Variants in IPO11 observed in about 807,000 individuals in gnomAD.
The protein encoded by IPO11 is importin 11.
A neutral mutation model predicts 143.2 loss-of-function variants in IPO11; 66 were observed. The ratio of observed to expected loss-of-function variants is 0.46; its 90% CI spans 0.38 to 0.57. The LOEUF (loss-of-function observed/expected upper bound fraction) is 0.57, where lower values mean the gene tolerates loss of function less well. IPO11 is among the 20% of genes least tolerant of loss of function. The pLI, the probability that IPO11 is intolerant of heterozygous loss-of-function variation, is 0.00. For synonymous variants in IPO11, 385 were observed against 377.8 expected, an observed-to-expected ratio of 1.02 and a Z score of -0.22; for missense variants, 1,026 against 1,141.0, an observed-to-expected ratio of 0.90 and a Z score of 1.45.
intron 27 of IPO11, among the ~76,000 whole-genome samples, chr5:62,570,119 G>A (rs1422522539): frequency 2.0e-5 from 3 of 152,182 alleles, no homozygotes; most frequent in Non-Finnish European, 2.9e-5. Context: ...GCTGGAGGGT[G>A]TAGACGTGTT....
intron 2 of IPO11, among the ~76,000 whole-genome samples, chr5:62,440,397 C>T (rs950500241): frequency 8.8e-5 from 13 of 147,438 alleles, no homozygotes; most frequent in Admixed American, 3.4e-4. Context: ...CTGTGTTGCC[C>T]AGGCTGGAGT....
chr5:62,557,603 C>T (rs529169068), intron 26 of IPO11, among the ~76,000 whole-genome samples: 158 of 152,296 alleles, frequency 1.0e-3, no homozygotes, highest in African/African-American at 3.6e-3. Flanking sequence ...GTTATTCCTC[C>T]ATCTATAGGC....
chr5:62,548,968 G>A (rs1051388903), intron 24 of IPO11, among the ~76,000 whole-genome samples: 59 of 151,894 alleles, frequency 3.9e-4, no homozygotes, highest in African/African-American at 1.4e-3. Context: ...ATGGGCAGGT[G>A]GTCTTACTTT....
At chr5:62,514,403 A>G (rs1353880192) in intron 19 of IPO11, among the ~76,000 whole-genome samples, 1 of 151,970 alleles carries the variant, frequency 6.6e-6, no homozygotes, top group East Asian at 1.9e-4. Flanking sequence ...CAGTCTGGCC[A>G]ACACAGCGAA....
intron 12 of IPO11, among the ~76,000 whole-genome samples, chr5:62,486,688 A>G (rs1183066394): frequency 1.3e-5 from 2 of 152,220 alleles, no homozygotes; most frequent in Non-Finnish European, 2.9e-5. Flanking sequence ...GTTGTTAACC[A>G]GAGAGATTAC....
chr5:62,427,207 T>C (rs1025126780), intron 1 of IPO11, among the ~76,000 whole-genome samples: 3 of 151,970 alleles, frequency 2.0e-5, no homozygotes, highest in Admixed American at 2.0e-4. Flanking sequence ...CCCAAAGTGC[T>C]GGGATTACAC....
chr5:62,624,811 C>T (rs751823270), intron 29 of IPO11, among the ~76,000 whole-genome samples: 5 of 151,918 alleles, frequency 3.3e-5, no homozygotes, highest in South Asian at 2.1e-4. Flanking sequence ...GGTGAAACCC[C>T]GTCTCTACTA....
At position 62,450,913 on chromosome 5, in the gene IPO11, C is replaced by T. The variant is rs192061943; in HGVS notation, c.313-817C>T. On this transcript the variant is annotated intron_variant, in intron 4 of 29. Transcript: ENST00000325324. ...ATTGAGCTATTAAAGCACAATTTGG[C>T]AGTATTTCTAATACAATTTTATTTT... 8.7e-3 allele frequency among the ~76,000 whole-genome samples: 1,324 copies of T among 152,216 alleles called. 74 individuals carry two copies. The highest frequency in any genetic ancestry group is 0.078 in the Admixed American group (1,191 of 15,278).
At chr5:62,459,633 C>G (rs1417354818) in intron 5 of IPO11, among the ~76,000 whole-genome samples, 1 of 151,994 alleles carries the variant, frequency 6.6e-6, no homozygotes, top group East Asian at 1.9e-4. Context: ...TCACTGCAAT[C>G]TCTGCCTCCC....
intron 1 of IPO11, among the ~76,000 whole-genome samples, chr5:62,415,942 A>G (rs957240450): frequency 2.0e-5 from 3 of 152,040 alleles, no homozygotes; most frequent in Non-Finnish European, 4.4e-5. Flanking sequence ...TATTTCCTTC[A>G]TGTGTTTGCT....
intron 16 of IPO11, among the ~76,000 whole-genome samples, chr5:62,495,823 A>G (rs528318975): frequency 2.0e-5 from 3 of 152,208 alleles, no homozygotes; most frequent in Non-Finnish European, 2.9e-5. Context: ...TTAAAAAAGG[A>G]AAGAGAAAAA....
intron 27 of IPO11, among the ~76,000 whole-genome samples, chr5:62,583,608 T>C (rs1314094254): frequency 1.3e-5 from 2 of 152,178 alleles, no homozygotes; most frequent in African/African-American, 4.8e-5. Context: ...TTAAAAAATT[T>C]TTCTTTTTTT....
intron 27 of IPO11, among the ~76,000 whole-genome samples, chr5:62,566,562 A>G (rs1219082677): frequency 6.6e-6 from 1 of 151,916 alleles, no homozygotes. Flanking sequence ...GCAAAACCCC[A>G]TCTCTACTAA....
intron 1 of IPO11, among the ~76,000 whole-genome samples, chr5:62,433,523 T>TA (rs1744067229): frequency 6.6e-6 from 1 of 152,212 alleles, no homozygotes; most frequent in Admixed American, 6.5e-5. Context: ...CTCACCCCAG[T>TA]AGCCCACAGA....
At chr5:62,517,366 G>A (rs1742059032) in intron 20 of IPO11, among the ~76,000 whole-genome samples, 1 of 152,156 alleles carries the variant, frequency 6.6e-6, no homozygotes. Context: ...AACGACCCGA[G>A]ATATTTTGTA....
chr5:62,542,215 T>C (rs1196342000), intron 24 of IPO11, among the ~76,000 whole-genome samples: 4 of 152,128 alleles, frequency 2.6e-5, no homozygotes, highest in Non-Finnish European at 4.4e-5. Context: ...TTTAAGATGG[T>C]ATTTTTATAC....
At chr5:62,413,210 C>A (rs1372075004) in intron 1 of IPO11, among the ~76,000 whole-genome samples, 1 of 152,172 alleles carries the variant, frequency 6.6e-6, no homozygotes, top group African/African-American at 2.4e-5. Context: ...GCGAGTGTAC[C>A]CATCGTGACC....
At chr5:62,416,727 TTA>T (rs1328582102) in intron 1 of IPO11, among the ~76,000 whole-genome samples, 1 of 150,564 alleles carries the variant, frequency 6.6e-6, no homozygotes, top group East Asian at 1.9e-4. Context: ...TTTTTTTTTT[TTA>T]TTTTTTTTTT....
intron 7 of IPO11, among the ~76,000 whole-genome samples, chr5:62,472,408 A>G (rs1027130274): frequency 6.6e-6 from 1 of 152,210 alleles, no homozygotes; most frequent in African/African-American, 2.4e-5. Flanking sequence ...TTCTGGTTGC[A>G]TAAATCACAT....
Sources: gnomAD v4.1 joint callset for allele counts (sites outside exome capture counted in the v4.1 genomes callset) on GRCh38, gnomAD v4.1.1 for gene constraint, MANE v1.5 for transcripts, NCBI Gene and HGNC (gene_info 2026-07-23, HGNC 2026-07-21) for gene names.